The following SLC9A9 variants were observed in gnomAD, a reference collection of about 807,000 sequenced individuals.
The protein encoded by SLC9A9 is solute carrier family 9 member A9.
A neutral mutation model predicts 77.8 loss-of-function variants in SLC9A9; 62 were observed. The observed-to-expected ratio is 0.80, with a 90% CI of 0.65 to 0.98. The LOEUF (loss-of-function observed/expected upper bound fraction) is 0.98, where lower values mean the gene tolerates loss of function less well. Among genes scored for constraint, SLC9A9 ranks in the 50% least tolerant of loss-of-function variants. The probability of loss-of-function intolerance (pLI) is 0.00; values close to 1 mark genes in which losing one functional copy is unlikely to be tolerated. For missense variants in SLC9A9, 775 were observed against 774.9 expected, an observed-to-expected ratio of 1.00 and a Z score of 0.00; for synonymous variants, 320 against 283.5, an observed-to-expected ratio of 1.13 and a Z score of -1.29.
At chr3:143,477,424 G>A (rs993859827) in intron 11 of SLC9A9, among the ~76,000 whole-genome samples, 34 of 142,552 alleles carry the variant, frequency 2.4e-4, no homozygotes, top group African/African-American at 7.6e-4. Flanking sequence ...CAGGAGGTTC[G>A]TGGTAGGTCT....
chr3:143,684,580 A>T (rs1454890421), intron 5 of SLC9A9, among the ~76,000 whole-genome samples: 1 of 152,074 alleles, frequency 6.6e-6, no homozygotes, highest in Admixed American at 6.6e-5. Context: ...ATAAGAGAAA[A>T]CAGTAATGGG....
intron 4 of SLC9A9, among the ~76,000 whole-genome samples, chr3:143,706,514 T>C (rs1189956240): frequency 6.6e-6 from 1 of 152,230 alleles, no homozygotes; most frequent in Non-Finnish European, 1.5e-5. Context: ...ATGCAGTCAA[T>C]TTGATGGCTT....
At chr3:143,468,748 C>CA (rs1308172449) in intron 11 of SLC9A9, among the ~76,000 whole-genome samples, 7 of 152,182 alleles carry the variant, frequency 4.6e-5, no homozygotes, top group African/African-American at 1.7e-4. Context: ...CATAGTTTTA[C>CA]AAAATCTATA....
intron 1 of SLC9A9, among the ~76,000 whole-genome samples, chr3:143,837,042 G>A (rs2009585633): frequency 6.6e-6 from 1 of 152,040 alleles, no homozygotes; most frequent in Non-Finnish European, 1.5e-5. Flanking sequence ...TCTTAAAGTG[G>A]CTTTTCTTAG....
chr3:143,398,978 TCA>T (rs1408383564), intron 12 of SLC9A9, among the ~76,000 whole-genome samples: 5 of 145,152 alleles, frequency 3.4e-5, no homozygotes, highest in East Asian at 4.0e-4. Flanking sequence ...AATAATAAAT[TCA>T]CAGATTTGTT....
chr3:143,578,733 G>A lies in SLC9A9; in HGVS notation c.756-10C>T. The A allele has an allele frequency of 6.2e-7, 1 of 1,613,872 alleles. No homozygotes were observed. Among genetic ancestry groups the A allele is most frequent in the Non-Finnish European group, 8.5e-7 (1 of 1,179,798 alleles). ...GTAAATGGATATAGAACTGAAAAGA[G>A]AAGAGGGTGGAGGTTAGTTAGTGAC... On this transcript the variant is annotated splice_polypyrimidine_tract_variant and intron_variant, in intron 6 of 15. Coordinates refer to ENST00000316549, the MANE Select transcript of SLC9A9 (RefSeq NM_173653.4).
At chr3:143,351,112 A>G (rs2032442250) in intron 14 of SLC9A9, among the ~76,000 whole-genome samples, 1 of 152,200 alleles carries the variant, frequency 6.6e-6, no homozygotes, top group South Asian at 2.1e-4. Context: ...TTATGATCCC[A>G]TTAAGGCATA....
At chr3:143,452,696 G>A (rs958308726) in intron 12 of SLC9A9, among the ~76,000 whole-genome samples, 1 of 149,460 alleles carries the variant, frequency 6.7e-6, no homozygotes, top group African/African-American at 2.5e-5. Flanking sequence ...TTATTTCTAG[G>A]TGCAATGACG....
At chr3:143,514,605 A>G (rs531554583) in intron 9 of SLC9A9, among the ~76,000 whole-genome samples, 2 of 152,370 alleles carry the variant, frequency 1.3e-5, no homozygotes, top group Admixed American at 1.3e-4. Flanking sequence ...CAGCTTCTAC[A>G]TCAGCACTTG....
rs2289491 is a variant in SLC9A9 at position 143,266,875 on chromosome 3, T to C, written c.1765A>G (p.Ile589Val). 51,449 of 1,614,180 alleles carry C rather than the reference T, an allele frequency of 0.032. 998 individuals are homozygous for C. Among genetic ancestry groups the C allele is most frequent in the South Asian group, 0.062 (5,610 of 91,076 alleles). ...GAGGAGGCTTGCTCCTGGTAATTTA[T>C]GGCTAGTTCATCCTGGTTTACAATG... is the stretch of plus-strand genomic sequence containing the variant. The part of the protein sequence containing the change: ...ECIVNQDELA[I>V]NYQEQASSPC... Residue 589 changes from isoleucine (I) to valine (V), a missense_variant, in exon 16 of 16, where the codon ATA becomes GTA. Physicochemically the swap from Ile to Val is conservative, Grantham distance 29. Transcript: ENST00000316549.
intron 12 of SLC9A9, among the ~76,000 whole-genome samples, chr3:143,391,782 G>A (rs1189579000): frequency 6.6e-6 from 1 of 152,192 alleles, no homozygotes. Flanking sequence ...GAAAACCATG[G>A]CACGAGAACT....
intron 4 of SLC9A9, among the ~76,000 whole-genome samples, chr3:143,793,250 A>AACAC (rs370687701): frequency 1.3e-5 from 2 of 151,114 alleles, no homozygotes; most frequent in Non-Finnish European, 3.0e-5. Context: ...AATTATATAC[A>AACAC]ACACACACAC....
intron 5 of SLC9A9, among the ~76,000 whole-genome samples, chr3:143,661,699 A>G (rs1229422891): frequency 6.6e-6 from 1 of 151,986 alleles, no homozygotes; most frequent in African/African-American, 2.4e-5. Flanking sequence ...CCCTTCCTCT[A>G]TTTTTAGTAG....
At chr3:143,382,294 A>G in intron 12 of SLC9A9, 180 bp from the exon 13 acceptor site, 1 of 673,596 alleles carries the variant, frequency 1.5e-6, no homozygotes, top group Non-Finnish European at 2.6e-6. Context: ...GAACTTGAAC[A>G]GCTGGGCCTC....
intron 12 of SLC9A9, among the ~76,000 whole-genome samples, chr3:143,396,378 T>C (rs57687610): frequency 0.025 from 3,863 of 152,182 alleles, 182 homozygotes; most frequent in African/African-American, 0.088. Context: ...TTCTCACTCA[T>C]AGGTGGGAAT....
chr3:143,571,157 C>A (rs932546247), intron 8 of SLC9A9, among the ~76,000 whole-genome samples: 9 of 152,136 alleles, frequency 5.9e-5, no homozygotes, highest in African/African-American at 1.9e-4. Flanking sequence ...GCTGAGAAAT[C>A]ATTCCATGTT....
chr3:143,639,212 C>T (rs952895386), intron 6 of SLC9A9, among the ~76,000 whole-genome samples: 14 of 152,332 alleles, frequency 9.2e-5, no homozygotes, highest in African/African-American at 3.4e-4. Flanking sequence ...CTTCCTTTAA[C>T]TCTTGACTTC....
chr3:143,492,570 G>C (rs1466019964), intron 11 of SLC9A9, among the ~76,000 whole-genome samples: 4 of 152,130 alleles, frequency 2.6e-5, no homozygotes, highest in Non-Finnish European at 5.9e-5. Flanking sequence ...TGAGACACTT[G>C]GTTGGGTTTA....
At chr3:143,552,200 T>C (rs1047258246) in intron 9 of SLC9A9, among the ~76,000 whole-genome samples, 162 bp downstream of exon 9, 11 of 152,206 alleles carry the variant, frequency 7.2e-5, no homozygotes, top group African/African-American at 1.9e-4. Context: ...TTAATGGTTA[T>C]CCTGGAGGGA....
Sources: gnomAD v4.1 joint callset for allele counts (sites outside exome capture counted in the v4.1 genomes callset) on GRCh38, gnomAD v4.1.1 for gene constraint, MANE v1.5 for transcripts, NCBI Gene and HGNC (gene_info 2026-07-23, HGNC 2026-07-21) for gene names.